Variants in DPP8 observed in about 807,000 individuals in gnomAD.
DPP8 encodes DPP VIII.
A neutral mutation model predicts 107.5 loss-of-function variants in DPP8; 31 were observed. That is an observed-to-expected ratio of 0.29 (90% CI 0.22 to 0.39). The LOEUF (loss-of-function observed/expected upper bound fraction) is 0.39. Ranked by LOEUF, DPP8 falls within the 10% of genes least tolerant of loss-of-function variation. The pLI is 1.00. For missense variants in DPP8, 842 were observed against 1,076.1 expected (o/e 0.78, Z 3.04); for synonymous variants, 381 against 356.6 (o/e 1.07, Z -0.77).
At chr15:65,467,049 C>T (rs1206945300) in intron 13 of DPP8, 22 bp downstream of exon 13, 1 of 1,612,670 alleles carries the variant, frequency 6.2e-7, no homozygotes, top group Non-Finnish European at 8.5e-7. Flanking sequence ...GACACAAAAC[C>T]CTTTTTAAAC....
chr15:65,472,184 C>A (rs2065952567), intron 12 of DPP8, among the ~76,000 whole-genome samples: 1 of 152,184 alleles, frequency 6.6e-6, no homozygotes, highest in Non-Finnish European at 1.5e-5. Context: ...AAATGCCCAT[C>A]ACTCTTTGCA....
intron 1 of DPP8, among the ~76,000 whole-genome samples, chr15:65,513,971 A>G (rs2141136848): frequency 6.6e-6 from 1 of 152,346 alleles, no homozygotes; most frequent in South Asian, 2.1e-4. Flanking sequence ...GATAAACTAA[A>G]TTGCATTTAA....
At chr15:65,474,140 T>G (rs1452069334) in intron 12 of DPP8, 69 bp downstream of exon 12, 3 of 1,127,174 alleles carry the variant, frequency 2.7e-6, no homozygotes, top group African/African-American at 1.5e-5. Context: ...TAAATTACAT[T>G]ACTCATTTTT....
chr15:65,477,728 T>C (rs2140684748), intron 11 of DPP8, among the ~76,000 whole-genome samples: 1 of 151,982 alleles, frequency 6.6e-6, no homozygotes, highest in Middle Eastern at 3.4e-3. Context: ...GAGAGGGGGT[T>C]TCACTGTGTT....
rs1226856186 is a variant in DPP8 at position 65,474,273 on chromosome 15, G to C, written c.1472C>G (p.Pro491Arg). 1 of 1,609,824 alleles carries C rather than the reference G, an allele frequency of 6.2e-7. No homozygotes were observed. The highest frequency in any genetic ancestry group is 2.2e-5 in the East Asian group (1 of 44,840). ...GGTAATTGCTATCTCCTCTTTGATA[G>C]GACACTTGAAATCACCTGAAGATAA... ...GLPAPSDFKC[P>R]IKEEIAITSG... Residue 491 changes from proline to arginine, a missense_variant, in exon 12 of 20, where the codon CCT becomes CGT. Transcript: ENST00000300141.
chr15:65,486,104 A>C lies in DPP8; in HGVS notation c.956-944T>G, dbSNP rs1413549413. ...GCGAGACTCTGTCTCAAAAAAAAAAAAACAACACAAAAAAAACGGCCGGGC... is the reference window on the plus strand; with the variant it reads ...GCGAGACTCTGTCTCAAAAAAAAAACAACAACACAAAAAAAACGGCCGGGC... On this transcript the variant is annotated intron_variant, in intron 7 of 19. Coordinates refer to ENST00000300141, the MANE Select transcript of DPP8 (RefSeq NM_130434.5). Among the ~76,000 whole-genome samples, 4 of 144,496 alleles carry C rather than the reference A, an allele frequency of 2.8e-5. No homozygotes were observed. In the East Asian group the frequency reaches 8.2e-4, roughly 30 times the overall value. 94.8% of individuals were successfully genotyped at this position (144,496 alleles called of 152,430 possible). A position where few individuals can be genotyped will look rare whatever the true frequency, so the allele number is the denominator to read the frequency against.
chr15:65,494,149 C>CTTTTTTTTTTTTTTTT (rs542314824), intron 5 of DPP8, among the ~76,000 whole-genome samples: 7 of 123,258 alleles, frequency 5.7e-5, no homozygotes, highest in South Asian at 2.4e-4. Flanking sequence ...GTTCTATATC[C>CTTTTTTTTTTTTTTTT]TTTTTTTTTT....
chr15:65,488,619 A>C (rs1295139263), intron 6 of DPP8, among the ~76,000 whole-genome samples: 1 of 151,210 alleles, frequency 6.6e-6, no homozygotes, highest in African/African-American at 2.4e-5. Flanking sequence ...AAAAAAAAAA[A>C]AAAAAAAAAC....
chr15:65,454,060 C>A (rs1351049618), intron 17 of DPP8, among the ~76,000 whole-genome samples: 1 of 151,418 alleles, frequency 6.6e-6, no homozygotes, highest in Non-Finnish European at 1.5e-5. Context: ...ATCACTTGAA[C>A]CCAGGGGCAG....
chr15:65,466,105 T>C (rs920000), intron 14 of DPP8, among the ~76,000 whole-genome samples: 9,160 of 152,172 alleles, frequency 0.06, 275 homozygotes, highest in African/African-American at 0.082. Flanking sequence ...TGTGAATAAA[T>C]TGTTTCCTAG....
At chr15:65,514,531 CAG>C (rs990966595) in intron 1 of DPP8, among the ~76,000 whole-genome samples, 19 of 152,236 alleles carry the variant, frequency 1.2e-4, no homozygotes, top group African/African-American at 3.6e-4. Flanking sequence ...TGTTTTGAGG[CAG>C]AGTCTTGCTC....
chr15:65,458,892 T>C (rs1213354408), intron 15 of DPP8: 1 of 152,158 alleles, frequency 6.6e-6, no homozygotes, highest in Non-Finnish European at 1.5e-5. Context: ...AGAGAGTCAC[T>C]TCATAATTAA....
intron 3 of DPP8, among the ~76,000 whole-genome samples, chr15:65,505,881 C>T (rs1227222756): frequency 1.4e-5 from 2 of 141,320 alleles, no homozygotes; most frequent in African/African-American, 5.3e-5. Flanking sequence ...ATCTGGGAGG[C>T]AGAAGTTACA....
At chr15:65,487,441 G>A (rs1425744582) in intron 7 of DPP8, among the ~76,000 whole-genome samples, 3 of 152,104 alleles carry the variant, frequency 2.0e-5, no homozygotes, top group Non-Finnish European at 4.4e-5. Context: ...GAGCTACCAC[G>A]CCCGGCGCAA....
At chr15:65,479,998 A>T (rs1434333248) in intron 10 of DPP8, among the ~76,000 whole-genome samples, 1 of 152,144 alleles carries the variant, frequency 6.6e-6, no homozygotes, top group Non-Finnish European at 1.5e-5. Flanking sequence ...ATCTCCAGGA[A>T]CAAATCTGAA....
intron 5 of DPP8, among the ~76,000 whole-genome samples, chr15:65,492,943 A>T (rs2068189604): frequency 6.6e-6 from 1 of 151,956 alleles, no homozygotes; most frequent in African/African-American, 2.4e-5. Context: ...GCTTATTTAT[A>T]TTTTCTATAT....
chr15:65,461,858 C>T (rs1254695309), intron 15 of DPP8, among the ~76,000 whole-genome samples: 1 of 151,852 alleles, frequency 6.6e-6, no homozygotes, highest in Non-Finnish European at 1.5e-5. Context: ...CTTGGCCTCC[C>T]AAAGTGCTGG....
rs151091185 is a variant in DPP8, at chr15:65,480,178, C to T, written c.1296+44G>A. The T allele has an allele frequency of 3.4e-4, 534 of 1,550,530 alleles. 3 individuals carry two copies. Among genetic ancestry groups the T allele is most frequent in the Middle Eastern group, 2.6e-3 (15 of 5,810 alleles). On this transcript the variant is annotated intron_variant, in intron 10 of 19. Coordinates refer to ENST00000300141, the MANE Select transcript of DPP8 (RefSeq NM_130434.5). ...TGCTATATAACTTCATTTGCTTTAG[C>T]ATTCTGAGAAAATATTTAAACAAAT...
At chr15:65,461,304 C>T (rs2064900814) in intron 15 of DPP8, among the ~76,000 whole-genome samples, 1 of 152,050 alleles carries the variant, frequency 6.6e-6, no homozygotes, top group Non-Finnish European at 1.5e-5. Context: ...GCCACCACGC[C>T]TAGCTAACTT....
Sources: allele counts gnomAD v4.1 joint callset (sites outside exome capture counted in the v4.1 genomes callset), GRCh38; gene constraint gnomAD v4.1.1; transcripts MANE v1.5; gene names NCBI Gene and HGNC (gene_info 2026-07-23, HGNC 2026-07-21).